Variants in ANKFY1 observed in about 807,000 individuals in gnomAD.
The protein encoded by ANKFY1 is ankyrin repeat and FYVE domain-containing protein 1.
In ANKFY1, 47 loss-of-function variants were observed where a neutral mutation model predicts 128.3. The ratio of observed to expected loss-of-function variants is 0.37; its 90% CI spans 0.29 to 0.47. The LOEUF is 0.47. Ranked by LOEUF, ANKFY1 falls within the 20% of genes least tolerant of loss-of-function variation. ANKFY1 has a pLI of 1.00. For missense variants in ANKFY1, 1,222 were observed against 1,510.6 expected, an observed-to-expected ratio of 0.81 and a Z score of 3.17; for synonymous variants, 553 against 601.6, an observed-to-expected ratio of 0.92 and a Z score of 1.18.
chr17:4,194,863 T>C (rs779444626), intron 10 of ANKFY1, 115 bp downstream of exon 10: 6 of 965,376 alleles, frequency 6.2e-6, no homozygotes, highest in Non-Finnish European at 9.4e-6. Flanking sequence ...AAGTACAAAA[T>C]AATTATCCTC....
intron 5 of ANKFY1, 71 bp downstream of exon 5, chr17:4,209,753 A>C (rs2060092535): frequency 6.6e-7 from 1 of 1,514,660 alleles, no homozygotes; most frequent in Admixed American, 2.0e-5. Flanking sequence ...CTTTCCATGG[A>C]ACTACGTCCC....
chr17:4,175,709 C>T (rs1336985655), intron 19 of ANKFY1, among the ~76,000 whole-genome samples: 2 of 152,288 alleles, frequency 1.3e-5, no homozygotes, highest in Non-Finnish European at 2.9e-5. Context: ...ATATGGGACT[C>T]TCCATACGGG....
intron 7 of ANKFY1, among the ~76,000 whole-genome samples, chr17:4,198,841 ACCT>A (rs1326109121): frequency 6.6e-6 from 1 of 152,166 alleles, no homozygotes; most frequent in Non-Finnish European, 1.5e-5. Flanking sequence ...CCATTGACTT[ACCT>A]CTTGGAGTAT....
At chr17:4,191,124 C>G (rs572461280) in intron 10 of ANKFY1, 1 of 152,248 alleles carries the variant, frequency 6.6e-6, no homozygotes, top group South Asian at 2.1e-4. Context: ...GGCGACAGAG[C>G]GAAACTGTCT....
chr17:4,238,288 T>C (rs1346399919), intron 2 of ANKFY1, among the ~76,000 whole-genome samples: 1 of 151,742 alleles, frequency 6.6e-6, no homozygotes, highest in Non-Finnish European at 1.5e-5. Context: ...TTCAACAAAA[T>C]GCATGTTATG....
chr17:4,263,550 A>G (rs866873586), intron 1 of ANKFY1: 4 of 1,522,778 alleles, frequency 2.6e-6, no homozygotes, highest in Non-Finnish European at 3.5e-6. Flanking sequence ...CCGGATGCAG[A>G]ACGTGCCAGG....
Position 4,178,638 on chromosome 17 carries a change from T to G in ANKFY1, c.2598+219A>C, listed in dbSNP as rs1352536978. 1.7e-6 allele frequency: 1 copy of G among 582,226 alleles called. No individual in the cohort carries two copies. Among genetic ancestry groups the G allele is most frequent in the Admixed American group, 3.0e-5 (1 of 33,436 alleles). The allele number at this position is 582,226 out of a possible 1,614,324, so 36.1% of individuals were successfully genotyped here. On this transcript the variant is annotated intron_variant, in intron 18 of 24. Transcript: ENST00000341657. The surrounding 1 kb of genome is among the most constrained non-coding windows in gnomAD (Gnocchi z 4.1). ...ATGGAGCCCACTGCCTCCGCTTCCA[T>G]CGAAGCCGGGCACTGTCAGGCGCTG...
Position 4,169,955 on chromosome 17 carries a change from G to A in ANKFY1, c.3287-667C>T, listed in dbSNP as rs1291375165. Among the ~76,000 whole-genome samples, 1 of 152,198 alleles carries A rather than the reference G, an allele frequency of 6.6e-6. No homozygotes were observed. The highest frequency in any genetic ancestry group is 1.5e-5 in the Non-Finnish European group (1 of 68,034). ...AGCTCATGGGGACGGAGCAGCACGT[G>A]AGTCCGTCAGTTCCTTCTGAGTAAT... On this transcript the variant is annotated intron_variant, in intron 23 of 24. Transcript: ENST00000341657. This position sits in a 1 kb window ranked among gnomAD's most constrained non-coding sequence, Gnocchi z 5.0.
Position 4,179,007 on chromosome 17 carries a change from A to G in ANKFY1, c.2448T>C (p.Gly816=). 1 of 1,614,140 alleles carries G rather than the reference A, an allele frequency of 6.2e-7. No homozygotes were observed. The highest frequency in any genetic ancestry group is 8.5e-7 in the Non-Finnish European group (1 of 1,180,028). ...GAGAAACCAACAGCTGAATGATGACACCGTGTTGGCTGCTGATGGCCACGT... is the reference window on the plus strand; with the variant it reads ...GAGAAACCAACAGCTGAATGATGACGCCGTGTTGGCTGCTGATGGCCACGT... ...PIHVAISSQH[G]VIIQLLVSHP... Residue 816 remains glycine, a synonymous_variant, in exon 18 of 25, where the codon GGT becomes GGC. Coordinates refer to ENST00000341657, the MANE Select transcript of ANKFY1 (RefSeq NM_001330063.2).
At chr17:4,236,868 G>C (rs1311309014) in intron 2 of ANKFY1, among the ~76,000 whole-genome samples, 1 of 152,110 alleles carries the variant, frequency 6.6e-6, no homozygotes, top group South Asian at 2.1e-4. Flanking sequence ...AGCCAGGCGT[G>C]GGGGCTCACA....
At chr17:4,202,282 TC>T (rs1217836568) in intron 7 of ANKFY1, among the ~76,000 whole-genome samples, 2 of 151,692 alleles carry the variant, frequency 1.3e-5, no homozygotes, top group Non-Finnish European at 2.9e-5. Context: ...GTGCCTGTAA[TC>T]CCAGCTACTA....
At chr17:4,183,580 G>T (rs1396388189) in intron 13 of ANKFY1, 29 bp from the exon 14 acceptor site, 5 of 1,605,500 alleles carry the variant, frequency 3.1e-6, no homozygotes, top group East Asian at 2.2e-5. Context: ...TCTCATCCAG[G>T]CTCGGCTTTT....
Position 4,181,014 on chromosome 17 carries a change from G to T in ANKFY1, c.2240+240C>A. On this transcript the variant is annotated intron_variant, in intron 16 of 24. Transcript: ENST00000341657. This position sits in a 1 kb window ranked among gnomAD's most constrained non-coding sequence, Gnocchi z 4.9. ...TACAGGAGCTCAGGCAGCTCCCAAA[G>T]CAGGACGCTGACTCCAGCTTTCAGA... The T allele has an allele frequency of 8.5e-6, 4 of 468,130 alleles. No individual in the cohort carries two copies. Among genetic ancestry groups the T allele is most frequent in the Non-Finnish European group, 1.6e-5 (4 of 254,886 alleles). 29.0% of individuals were successfully genotyped at this position (468,130 alleles called of 1,614,324 possible).
chr17:4,196,027 AC>A lies in ANKFY1; in HGVS notation c.1104-557del, dbSNP rs1410877415. On this transcript the variant is annotated intron_variant, in intron 8 of 24. Transcript: ENST00000341657. ...GGCCCAAGGCTGCACCTACCCACCC[AC>A]CCCCCCCACCACCCCCCACCCACAC... 8.1e-4 allele frequency among the ~76,000 whole-genome samples: 8 copies of A among 9,888 alleles called. No individual in the cohort carries two copies. The Admixed American group carries it at 8.3e-3, about 10-fold the overall frequency. 6.5% of individuals were successfully genotyped at this position (9,888 alleles called of 152,430 possible). A position where few individuals can be genotyped will look rare whatever the true frequency, so the allele number is the denominator to read the frequency against.
chr17:4,198,216 C>T lies in ANKFY1; in HGVS notation c.899-639G>A, dbSNP rs901480306. 6.6e-5 allele frequency among the ~76,000 whole-genome samples: 10 copies of T among 152,054 alleles called. No homozygotes were observed. The East Asian group carries it at 1.4e-3, about 21-fold the overall frequency. ...GAAGGGTTTCCAGGATCCCTCCCTA[C>T]ACAATTTCTCTCTCTCTTTCTCTTT... On this transcript the variant is annotated intron_variant, in intron 7 of 24. Coordinates refer to ENST00000341657, the MANE Select transcript of ANKFY1 (RefSeq NM_001330063.2).
intron 1 of ANKFY1, among the ~76,000 whole-genome samples, chr17:4,250,096 T>G (rs1428864928): frequency 6.6e-6 from 1 of 152,208 alleles, no homozygotes; most frequent in Non-Finnish European, 1.5e-5. Flanking sequence ...TCACCTCCTA[T>G]TCTGACTACC....
chr17:4,183,055 G>A (rs563498230), intron 14 of ANKFY1, among the ~76,000 whole-genome samples: 6 of 152,286 alleles, frequency 3.9e-5, no homozygotes, highest in African/African-American at 9.6e-5. Flanking sequence ...GCAGTGAGCC[G>A]AGATTGTGCC....
chr17:4,186,595 C>T (rs929952191), intron 11 of ANKFY1: 10 of 154,176 alleles, frequency 6.5e-5, no homozygotes, highest in African/African-American at 1.2e-4. Flanking sequence ...AGTACTTTTA[C>T]GCCTTGACCC....
At chr17:4,204,228 G>A (rs1455560349) in intron 7 of ANKFY1, among the ~76,000 whole-genome samples, 3 of 152,198 alleles carry the variant, frequency 2.0e-5, no homozygotes, top group Non-Finnish European at 2.9e-5. Flanking sequence ...AGGGGCAAGC[G>A]ATGAATGGCA....
Sources: gnomAD v4.1 joint callset for allele counts (sites outside exome capture counted in the v4.1 genomes callset) on GRCh38, gnomAD v4.1.1 for gene constraint, Gnocchi (gnomAD v3.1) non-coding constraint, MANE v1.5 for transcripts, NCBI Gene and HGNC (gene_info 2026-07-23, HGNC 2026-07-21) for gene names.